The following ABCC1 variants were observed in gnomAD, a reference collection of about 807,000 sequenced individuals.
ABCC1 encodes ATP binding cassette subfamily C member 1 (ABCC1 blood group).
ABCC1 carries 83 observed loss-of-function variants against 172.9 expected under a neutral mutation model. The observed-to-expected ratio is 0.48, with a 90% CI of 0.40 to 0.58. The LOEUF (loss-of-function observed/expected upper bound fraction) is 0.58, where lower values mean the gene tolerates loss of function less well. ABCC1 is among the 20% of genes least tolerant of loss of function. The pLI is 0.00. For missense variants in ABCC1, 1,817 were observed against 2,002.7 expected (o/e 0.91, Z 1.77); for synonymous variants, 937 against 825.2 (o/e 1.14, Z -2.32).
rs112201921 is a variant in ABCC1, at chr16:16,018,134, G to A, written c.615+1513G>A. ...CAGTGGGAGAACTTTTCACCTCTGT[G>A]GTTCTGTTGGGTTTGGCCTAAACCT... is the stretch of plus-strand genomic sequence containing the variant. On this transcript the variant is annotated intron_variant, in intron 5 of 30. Transcript: ENST00000399410. Among the ~76,000 whole-genome samples, 742 of 152,306 alleles carry A rather than the reference G, an allele frequency of 4.9e-3. 2 individuals carry two copies. Among genetic ancestry groups the A allele is most frequent in the South Asian group, 0.022 (104 of 4,814 alleles).
Position 16,106,883 on chromosome 16 carries a change from G to C in ABCC1, c.2871+10G>C. ...GGCGCAGACAGGGCAGGTGAGATTC[G>C]CTCCTTAAGTGATGACAGTGGCTGG... On this transcript the variant is annotated intron_variant, in intron 21 of 30. Coordinates refer to ENST00000399410, the MANE Select transcript of ABCC1 (RefSeq NM_004996.4). 6.2e-7 allele frequency: 1 copy of C among 1,613,908 alleles called. No homozygotes were observed. The highest frequency in any genetic ancestry group is 8.5e-7 in the Non-Finnish European group (1 of 1,179,954).
intron 16 of ABCC1, among the ~76,000 whole-genome samples, chr16:16,082,439 A>C (rs143237885): frequency 2.6e-5 from 4 of 152,330 alleles, no homozygotes; most frequent in African/African-American, 9.6e-5. Context: ...AAATATATAG[A>C]GAATTAACTA....
intron 7 of ABCC1, among the ~76,000 whole-genome samples, chr16:16,038,882 C>T (rs987013930): frequency 1.3e-5 from 2 of 152,152 alleles, no homozygotes. Flanking sequence ...GTCAGGAGAG[C>T]AGGTTGCTGG....
intron 1 of ABCC1, among the ~76,000 whole-genome samples, chr16:15,987,937 GT>G (rs569085580): frequency 2.0e-5 from 3 of 152,034 alleles, no homozygotes; most frequent in Non-Finnish European, 4.4e-5. Flanking sequence ...TTACTCCTCT[GT>G]TTCCTTCCAT....
chr16:15,988,670 T>C (rs888654999), intron 1 of ABCC1, among the ~76,000 whole-genome samples: 2 of 151,480 alleles, frequency 1.3e-5, no homozygotes, highest in Admixed American at 6.6e-5. Context: ...CTTGGGAGAG[T>C]TGGGGTGAAA....
intron 23 of ABCC1, among the ~76,000 whole-genome samples, chr16:16,121,290 C>T (rs537905735): frequency 6.6e-6 from 1 of 152,340 alleles, no homozygotes; most frequent in East Asian, 1.9e-4. Flanking sequence ...TGATCTCCCG[C>T]CTCTGCCTCC....
At chr16:16,029,470 C>T (rs1486094671) in intron 5 of ABCC1, among the ~76,000 whole-genome samples, 1 of 152,142 alleles carries the variant, frequency 6.6e-6, no homozygotes, top group Non-Finnish European at 1.5e-5. Context: ...GCAGTTCTCC[C>T]GCCTCAGCCT....
At chr16:16,111,244 G>A (rs2052373939) in intron 21 of ABCC1, 131 bp from the exon 22 acceptor site, 7 of 726,516 alleles carry the variant, frequency 9.6e-6, no homozygotes, top group Non-Finnish European at 1.7e-5. Context: ...TAAAGGGGAG[G>A]GGTGTTCTAC....
chr16:16,044,742 G>T (rs910148838), intron 8 of ABCC1, 62 bp downstream of exon 8: 3 of 1,466,392 alleles, frequency 2.0e-6, no homozygotes, highest in African/African-American at 2.8e-5. Flanking sequence ...TCTTTCAGTT[G>T]CATCAGTCAT....
intron 1 of ABCC1, among the ~76,000 whole-genome samples, chr16:15,953,876 G>A (rs1597048323): frequency 6.6e-6 from 1 of 152,072 alleles, no homozygotes; most frequent in East Asian, 1.9e-4. Context: ...TCTGATCCCT[G>A]GTTTAATTCT....
chr16:16,057,230 A>G (rs901453929), intron 12 of ABCC1, among the ~76,000 whole-genome samples: 1 of 150,696 alleles, frequency 6.6e-6, no homozygotes, highest in Admixed American at 6.6e-5. Flanking sequence ...ATGGTGGTGC[A>G]TGCCTATATT....
rs45539836 is a variant in ABCC1, at chr16:16,017,329, C to T, written c.615+708C>T. 3.9e-3 allele frequency among the ~76,000 whole-genome samples: 598 copies of T among 152,190 alleles called. 3 individuals are homozygous for T. The highest frequency in any genetic ancestry group is 0.014 in the Middle Eastern group (4 of 294). ...CACTGTAGTCTTGACCTCCTGGGCTCAAGCAATCTTCCTACCTCAGCTTTC... is the reference window on the plus strand; with the variant it reads ...CACTGTAGTCTTGACCTCCTGGGCTTAAGCAATCTTCCTACCTCAGCTTTC... On this transcript the variant is annotated intron_variant, in intron 5 of 30. Transcript: ENST00000399410.
chr16:16,085,827 A>G (rs1470934187), intron 17 of ABCC1, among the ~76,000 whole-genome samples: 1 of 152,172 alleles, frequency 6.6e-6, no homozygotes, highest in Non-Finnish European at 1.5e-5. Flanking sequence ...ACCTCAGTGC[A>G]TGGGAGTCAG....
At chr16:16,048,911 A>C (rs1467149600) in intron 10 of ABCC1, among the ~76,000 whole-genome samples, 1 of 152,064 alleles carries the variant, frequency 6.6e-6, no homozygotes, top group Non-Finnish European at 1.5e-5. Context: ...TGAACCTGGA[A>C]GGCGGAGGTT....
chr16:16,090,144 G>A (rs45628840), intron 18 of ABCC1, among the ~76,000 whole-genome samples: 2 of 152,170 alleles, frequency 1.3e-5, no homozygotes, highest in Admixed American at 1.3e-4. Flanking sequence ...TGGGGCAGGG[G>A]TCTTTGTTTC....
chr16:16,077,098 C>T lies in ABCC1; in HGVS notation c.1988+697C>T, dbSNP rs371246337. Among the ~76,000 whole-genome samples, 19 of 152,258 alleles carry T rather than the reference C, an allele frequency of 1.2e-4. No individual in the cohort carries two copies. In the East Asian group the frequency reaches 3.5e-3, roughly 28 times the overall value. On this transcript the variant is annotated intron_variant, in intron 15 of 30. Transcript: ENST00000399410. Reference sequence around the variant, plus strand: ...GATGTCTAGGAAATTGACCTTATCCCCAGGCAACTTGTCAAGCACCTCTCA... The same window carrying T: ...GATGTCTAGGAAATTGACCTTATCCTCAGGCAACTTGTCAAGCACCTCTCA...
rs1192157012 is a variant in ABCC1, at chr16:16,111,537, A to T, written c.3034A>T (p.Thr1012Ser). The T allele has an allele frequency of 8.7e-6, 14 of 1,613,972 alleles. No homozygotes were observed. Among genetic ancestry groups the T allele is most frequent in the Non-Finnish European group, 1.2e-5 (14 of 1,180,032 alleles). The change falls in exon 22 of 31, where the codon ACG (threonine) becomes TCG (serine). Residue 1012 changes from threonine (T) to serine (S), a missense_variant. Physicochemically the swap from Thr to Ser is moderately conservative, Grantham distance 58. Transcript: ENST00000399410. The part of the protein sequence containing the change: ...DPIVNGTQEH[T>S]KVRLSVYGAL... ...CATCGTCAACGGGACTCAGGAGCAC[A>T]CGAAAGTCCGGCTGAGCGTCTATGG...
At chr16:16,114,084 T>C (rs533557314) in intron 22 of ABCC1, among the ~76,000 whole-genome samples, 198 of 152,266 alleles carry the variant, frequency 1.3e-3, no homozygotes, top group African/African-American at 4.5e-3. Flanking sequence ...GGACCCCTGG[T>C]CTAGAAGAAT....
chr16:16,117,007 C>T (rs1009176356), intron 23 of ABCC1, among the ~76,000 whole-genome samples: 7 of 152,186 alleles, frequency 4.6e-5, no homozygotes, highest in African/African-American at 1.7e-4. Context: ...GGATGATTCA[C>T]ACCGCGGATG....
Sources: gnomAD v4.1 joint callset for allele counts (sites outside exome capture counted in the v4.1 genomes callset) on GRCh38, gnomAD v4.1.1 for gene constraint, MANE v1.5 for transcripts, NCBI Gene and HGNC (gene_info 2026-07-23, HGNC 2026-07-21) for gene names.